DHRS3: variants seen among roughly 807,000 people sequenced by gnomAD.
DHRS3 encodes short-chain dehydrogenase/reductase 3.
Under a neutral mutation model 27.2 loss-of-function variants are expected in DHRS3, and 14 were observed. That is an observed-to-expected ratio of 0.52 (90% CI 0.34 to 0.81). The LOEUF is 0.81. Among genes scored for constraint, DHRS3 ranks in the 30% least tolerant of loss-of-function variants. The probability of loss-of-function intolerance (pLI) is 0.01; values close to 1 mark genes in which losing one functional copy is unlikely to be tolerated. For missense variants in DHRS3, 322 were observed against 406.2 expected (o/e 0.79, Z 1.78); for synonymous variants, 165 against 175.9 (o/e 0.94, Z 0.49).
Position 12,590,627 on chromosome 1 carries a change from C to G in DHRS3, c.196-9961G>C, listed in dbSNP as rs539667067. 1.1e-3 allele frequency among the ~76,000 whole-genome samples: 173 copies of G among 152,112 alleles called. 1 individual carries two copies. The highest frequency in any genetic ancestry group is 2.1e-3 in the Non-Finnish European group (143 of 67,990). On this transcript the variant is annotated intron_variant, in intron 1 of 5. Coordinates refer to ENST00000616661, the MANE Select transcript of DHRS3 (RefSeq NM_004753.7). ...GCCCGACCTAGAATAGTCATTTCTA[C>G]AAAGACTCTGTCGCTAAAAAAAAAA...
chr1:12,590,671 C>T (rs1646738435), intron 1 of DHRS3, among the ~76,000 whole-genome samples: 1 of 152,150 alleles, frequency 6.6e-6, no homozygotes, highest in African/African-American at 2.4e-5. Context: ...GAATGTGACT[C>T]TGAATCCGCA....
At position 12,591,394 on chromosome 1, in the gene DHRS3, A is replaced by G. The variant is rs936131226; in HGVS notation, c.196-10728T>C. Among the ~76,000 whole-genome samples the G allele has an allele frequency of 3.9e-5, 6 of 152,224 alleles. No homozygotes were observed. The highest frequency in any genetic ancestry group is 1.4e-4 in the African/African-American group (6 of 41,458). ...CAGGCCCCTGTTTTGGCCTGCCGAG[A>G]ATGTTTTGGCTACCGCTGGCTCAGC... is the stretch of plus-strand genomic sequence containing the variant. On this transcript the variant is annotated intron_variant, in intron 1 of 5. Transcript: ENST00000616661. The surrounding 1 kb of genome is among the most constrained non-coding windows in gnomAD (Gnocchi z 4.1).
At position 12,617,175 on chromosome 1, in the gene DHRS3, G is replaced by A; in HGVS notation, c.174C>T (p.Phe58=). ...GTACCTTTCTGGCGCCGCGCTCCGC[G>A]AACTCGCGGGCGAGCTGACGCCCGA... ...RGIGRQLARE[F]AERGARKIVL... is the part of the protein sequence containing the mutation. The change falls in exon 1 of 6, where the codon TTC becomes TTT. Residue 58 remains phenylalanine (F), a synonymous_variant. Transcript: ENST00000616661. 6.2e-7 allele frequency: 1 copy of A among 1,612,308 alleles called. No homozygotes were observed. The highest frequency in any genetic ancestry group is 8.5e-7 in the Non-Finnish European group (1 of 1,179,682).
At chr1:12,587,270 G>A (rs987810700) in intron 1 of DHRS3, among the ~76,000 whole-genome samples, 3 of 150,192 alleles carry the variant, frequency 2.0e-5, no homozygotes, top group African/African-American at 7.4e-5. Context: ...AGCCTCCCAA[G>A]TAGCTGGGAC....
intron 1 of DHRS3, chr1:12,600,517 G>T: frequency 4.6e-6 from 2 of 438,916 alleles, no homozygotes; most frequent in Non-Finnish European, 6.1e-6. Flanking sequence ...ATGTGGGTGT[G>T]TCTGGCAGGA....
At chr1:12,583,428 CCA>C (rs1646663467) in intron 1 of DHRS3, among the ~76,000 whole-genome samples, 1 of 142,940 alleles carries the variant, frequency 7.0e-6, no homozygotes, top group Non-Finnish European at 1.5e-5. Flanking sequence ...ATCCATCCAT[CCA>C]TCCATCCATC....
chr1:12,574,555 G>C lies in DHRS3; in HGVS notation c.699-1702C>G, dbSNP rs1483142481. Among the ~76,000 whole-genome samples the C allele has an allele frequency of 6.6e-6, 1 of 152,186 alleles. No homozygotes were observed. The highest frequency in any genetic ancestry group is 6.5e-5 in the Admixed American group (1 of 15,286). Reference sequence around the variant, plus strand: ...CTACAGAGATGAACGTGTTGAGGCAGCTCACTGATACTGGAGTCCTACAGG... The same window carrying C: ...CTACAGAGATGAACGTGTTGAGGCACCTCACTGATACTGGAGTCCTACAGG... On this transcript the variant is annotated intron_variant, in intron 4 of 5. Coordinates refer to ENST00000616661, the MANE Select transcript of DHRS3 (RefSeq NM_004753.7). This position sits in a 1 kb window ranked among gnomAD's most constrained non-coding sequence, Gnocchi z 4.6.
intron 5 of DHRS3, among the ~76,000 whole-genome samples, chr1:12,572,379 C>T (rs575784294): frequency 2.0e-5 from 3 of 152,228 alleles, no homozygotes; most frequent in Admixed American, 2.0e-4. Context: ...GCCATTTTAG[C>T]CAGGATGGTC....
intron 1 of DHRS3, chr1:12,616,565 C>T (rs1199794264): frequency 1.1e-5 from 11 of 986,044 alleles, no homozygotes; most frequent in Non-Finnish European, 1.3e-5. Flanking sequence ...CTTACCCTGG[C>T]CTCCTCTTTC....
At chr1:12,600,430 G>C in intron 1 of DHRS3, 2 of 981,508 alleles carry the variant, frequency 2.0e-6, no homozygotes, top group Non-Finnish European at 2.4e-6. Flanking sequence ...GGCCCGGAGA[G>C]GCCAGGTCAG....
At chr1:12,597,509 C>G (rs1405446118) in intron 1 of DHRS3, among the ~76,000 whole-genome samples, 2 of 152,238 alleles carry the variant, frequency 1.3e-5, no homozygotes. Flanking sequence ...CCTCTGCTTT[C>G]TTGTCTTTGC....
At chr1:12,595,757 T>A (rs894138646) in intron 1 of DHRS3, among the ~76,000 whole-genome samples, 1 of 130,896 alleles carries the variant, frequency 7.6e-6, no homozygotes, top group Non-Finnish European at 1.6e-5. Flanking sequence ...GGAGAGGAGC[T>A]GGGTTGGGAT....
chr1:12,615,904 A>G (rs1372766540), intron 1 of DHRS3, among the ~76,000 whole-genome samples: 1 of 152,196 alleles, frequency 6.6e-6, no homozygotes, highest in Admixed American at 6.5e-5. Context: ...CCCAAGGAGA[A>G]GAGGGAGTCC....
chr1:12,589,658 G>A (rs1263458272), intron 1 of DHRS3, among the ~76,000 whole-genome samples: 1 of 152,104 alleles, frequency 6.6e-6, no homozygotes, highest in Non-Finnish European at 1.5e-5. Flanking sequence ...ACTTTGAAGA[G>A]TAGTTGGGAG....
intron 1 of DHRS3, among the ~76,000 whole-genome samples, chr1:12,612,022 G>A (rs1296033448): frequency 6.6e-6 from 1 of 152,164 alleles, no homozygotes; most frequent in Non-Finnish European, 1.5e-5. Context: ...GGTCCCAGAG[G>A]TAGACACCTT....
intron 4 of DHRS3, among the ~76,000 whole-genome samples, chr1:12,577,912 T>C (rs1021565963): frequency 6.6e-6 from 1 of 152,174 alleles, no homozygotes; most frequent in African/African-American, 2.4e-5. Context: ...TTTGATTAAC[T>C]TTCACGTATT....
rs576792924 is a variant in DHRS3, at chr1:12,574,898, G to A, written c.699-2045C>T. Among the ~76,000 whole-genome samples the A allele has an allele frequency of 2.0e-5, 3 of 152,290 alleles. No homozygotes were observed. Among genetic ancestry groups the A allele is most frequent in the East Asian group, 3.9e-4 (2 of 5,180 alleles). On this transcript the variant is annotated intron_variant, in intron 4 of 5. Coordinates refer to ENST00000616661, the MANE Select transcript of DHRS3 (RefSeq NM_004753.7). This position sits in a 1 kb window ranked among gnomAD's most constrained non-coding sequence, Gnocchi z 4.6. The stretch of plus-strand genomic sequence containing the variant: ...TATGTGGACTTGGGCAGGTAACTTT[G>A]CTTCTCTGAGCCTCAGTTCCCTCAT...
Position 12,617,523 on chromosome 1 carries a change from A to T in DHRS3, c.-175T>A. On this transcript the variant is annotated 5_prime_UTR_variant, in exon 1 of 6. Coordinates refer to ENST00000616661, the MANE Select transcript of DHRS3 (RefSeq NM_004753.7). Reference sequence around the variant, plus strand: ...GCAAAGCACCGGGTGAGAAAAAGAAAAAAAAAAAAAAAAAAAAGATAAATT... The same window carrying T: ...GCAAAGCACCGGGTGAGAAAAAGAATAAAAAAAAAAAAAAAAAGATAAATT... 4 of 433,370 alleles carry T rather than the reference A, an allele frequency of 9.2e-6. No homozygotes were observed. The highest frequency in any genetic ancestry group is 7.8e-6 in the Non-Finnish European group (2 of 256,978). The allele number at this position is 433,370 out of a possible 1,614,324, so 26.8% of individuals were successfully genotyped here. A position where few individuals can be genotyped will look rare whatever the true frequency, so the allele number is the denominator to read the frequency against.
intron 1 of DHRS3, among the ~76,000 whole-genome samples, chr1:12,582,907 C>T (rs1189551739): frequency 2.6e-5 from 4 of 150,954 alleles, no homozygotes; most frequent in Non-Finnish European, 5.9e-5. Context: ...TCCATCCATC[C>T]ATGCATCCAT....
Sources: gnomAD v4.1 joint callset for allele counts (sites outside exome capture counted in the v4.1 genomes callset) on GRCh38, gnomAD v4.1.1 for gene constraint, Gnocchi (gnomAD v3.1) non-coding constraint, MANE v1.5 for transcripts, NCBI Gene and HGNC (gene_info 2026-07-23, HGNC 2026-07-21) for gene names.